Variants in COMMD1 observed in about 807,000 individuals in gnomAD.
COMMD1 encodes COMM domain-containing protein 1.
Under a neutral mutation model 17.2 loss-of-function variants are expected in COMMD1, and 10 were observed. The ratio of observed to expected loss-of-function variants is 0.58; its 90% confidence interval spans 0.36 to 0.99. The LOEUF (loss-of-function observed/expected upper bound fraction) is 0.99, where lower values mean the gene tolerates loss of function less well. Ranked by LOEUF, COMMD1 falls within the 50% of genes least tolerant of loss-of-function variation. The pLI is 0.01. For synonymous variants in COMMD1, 97 were observed against 91.6 expected, an observed-to-expected ratio of 1.06 and a Z score of -0.34; for missense variants, 270 against 231.8, an observed-to-expected ratio of 1.17 and a Z score of -1.07.
At chr2:61,973,916 C>G (rs913515301) in intron 1 of COMMD1, among the ~76,000 whole-genome samples, 3 of 152,218 alleles carry the variant, frequency 2.0e-5, no homozygotes, top group African/African-American at 7.2e-5. Context: ...TCCCTTGTGC[C>G]TCTTCCTAGT....
At chr2:62,020,976 C>G (rs946997825) in intron 2 of COMMD1, among the ~76,000 whole-genome samples, 2 of 151,072 alleles carry the variant, frequency 1.3e-5, no homozygotes, top group South Asian at 2.1e-4. Flanking sequence ...GCACTCCAGC[C>G]TGTGCAACAA....
rs889417303 is a variant in COMMD1, at chr2:62,019,165, C to T, written c.462+18183C>T. Reference sequence around the variant, plus strand: ...CCTTCCTTCCTTCCTTCTCTTTCCTCCTTTCTCTTTTCTTTCATTTTCTTT... The same window carrying T: ...CCTTCCTTCCTTCCTTCTCTTTCCTTCTTTCTCTTTTCTTTCATTTTCTTT... On this transcript the variant is annotated intron_variant, in intron 2 of 2. Coordinates refer to ENST00000311832, the MANE Select transcript of COMMD1 (RefSeq NM_152516.4). Among the ~76,000 whole-genome samples the T allele has an allele frequency of 3.9e-5, 5 of 128,814 alleles. No individual in the cohort carries two copies. The Admixed American group carries it at 4.4e-4, about 11-fold the overall frequency. The allele number at this position is 128,814 out of a possible 152,430, so 84.5% of individuals were successfully genotyped here. A position where few individuals can be genotyped will look rare whatever the true frequency, so the allele number is the denominator to read the frequency against.
chr2:62,014,487 C>T (rs1323830977), intron 2 of COMMD1, among the ~76,000 whole-genome samples: 3 of 122,364 alleles, frequency 2.5e-5, no homozygotes, highest in Non-Finnish European at 3.3e-5. Context: ...TTCTTTAGTA[C>T]TTAAAAAAAA....
chr2:61,943,812 G>A lies in COMMD1; in HGVS notation c.180+37954G>A, dbSNP rs569048717. Among the ~76,000 whole-genome samples the A allele has an allele frequency of 2.0e-5, 3 of 152,294 alleles. No individual in the cohort carries two copies. The South Asian group carries it at 6.2e-4, about 32-fold the overall frequency. ...ATCCCGCCATTGCACTCCAGCCTTG[G>A]CGTCTCAGTGAGACTCTGTCTCAAA... On this transcript the variant is annotated intron_variant, in intron 1 of 2. Transcript: ENST00000311832.
intron 1 of COMMD1, among the ~76,000 whole-genome samples, chr2:61,936,108 C>T (rs1670600620): frequency 6.6e-6 from 1 of 152,044 alleles, no homozygotes; most frequent in Admixed American, 6.6e-5. Context: ...CCGGCCCAGC[C>T]CAGTTTTTTT....
At chr2:62,105,503 G>A (rs1672305047) in intron 2 of COMMD1, among the ~76,000 whole-genome samples, 1 of 152,174 alleles carries the variant, frequency 6.6e-6, no homozygotes, top group African/African-American at 2.4e-5. Flanking sequence ...GAGAGTGAGA[G>A]GGAGGGGGAG....
intron 2 of COMMD1, among the ~76,000 whole-genome samples, chr2:62,042,928 C>T (rs1232728694): frequency 1.3e-5 from 2 of 152,206 alleles, no homozygotes; most frequent in East Asian, 3.8e-4. Flanking sequence ...GAAATAACGT[C>T]TTTTATTTTT....
intron 1 of COMMD1, among the ~76,000 whole-genome samples, chr2:61,994,560 A>G (rs1438432761): frequency 6.6e-6 from 1 of 151,980 alleles, no homozygotes; most frequent in East Asian, 1.9e-4. Flanking sequence ...CTTTTAGTCA[A>G]GACTCTTGGT....
chr2:61,975,769 G>C (rs1671785085), intron 1 of COMMD1, among the ~76,000 whole-genome samples: 1 of 151,908 alleles, frequency 6.6e-6, no homozygotes, highest in Non-Finnish European at 1.5e-5. Flanking sequence ...AGTATTGTGG[G>C]GTTTTTCAGC....
intron 2 of COMMD1, among the ~76,000 whole-genome samples, chr2:62,037,098 T>C (rs577852080): frequency 7.2e-4 from 110 of 152,316 alleles, no homozygotes; most frequent in African/African-American, 2.6e-3. Context: ...AAGAACCACT[T>C]GGAAACTTGG....
chr2:61,890,439 G>A (rs1401811858), intron 1 of COMMD1, among the ~76,000 whole-genome samples: 2 of 152,070 alleles, frequency 1.3e-5, no homozygotes, highest in Non-Finnish European at 2.9e-5. Context: ...GGGTGGTTTC[G>A]AACTCCCGAG....
chr2:61,929,646 G>A (rs1448473157), intron 1 of COMMD1, among the ~76,000 whole-genome samples: 3 of 152,132 alleles, frequency 2.0e-5, no homozygotes, highest in Non-Finnish European at 4.4e-5. Flanking sequence ...ACTTAAATTT[G>A]TAAGGCCAGG....
intron 2 of COMMD1, among the ~76,000 whole-genome samples, chr2:62,024,724 A>C (rs1669706535): frequency 6.6e-6 from 1 of 152,172 alleles, no homozygotes; most frequent in East Asian, 1.9e-4. Context: ...GAAAATTCAG[A>C]ATATTTGCCT....
At chr2:61,955,805 C>T (rs929921663) in intron 1 of COMMD1, among the ~76,000 whole-genome samples, 7 of 152,158 alleles carry the variant, frequency 4.6e-5, no homozygotes, top group Admixed American at 3.3e-4. Flanking sequence ...CCTGCCTCAG[C>T]CTCCCTAGTA....
At position 61,905,866 on chromosome 2, in the gene COMMD1, T is replaced by C. The variant is rs1028812859; in HGVS notation, c.180+8T>C. The C allele has an allele frequency of 3.1e-6, 5 of 1,613,992 alleles. No individual in the cohort carries two copies. Among genetic ancestry groups the C allele is most frequent in the Admixed American group, 1.7e-5 (1 of 60,004 alleles). On this transcript the variant is annotated splice_region_variant and intron_variant, in intron 1 of 2. Transcript: ENST00000311832. ...ATGAGGGGGATTCTTAAGGTACTGC[T>C]CTTTTCTGTAGTCTCCGGCTTGGAG... is the stretch of plus-strand genomic sequence containing the variant.
chr2:62,065,175 T>C (rs1343057231), intron 2 of COMMD1, among the ~76,000 whole-genome samples: 1 of 152,040 alleles, frequency 6.6e-6, no homozygotes, highest in African/African-American at 2.4e-5. Flanking sequence ...AGACCCTGTC[T>C]CTCAAAAATA....
At chr2:61,934,286 A>G (rs533123235) in intron 1 of COMMD1, among the ~76,000 whole-genome samples, 1 of 152,338 alleles carries the variant, frequency 6.6e-6, no homozygotes, top group East Asian at 1.9e-4. Flanking sequence ...GGTTTTTCAT[A>G]AAGAATGAAC....
At chr2:61,928,324 C>G (rs1463555765) in intron 1 of COMMD1, among the ~76,000 whole-genome samples, 1 of 151,896 alleles carries the variant, frequency 6.6e-6, no homozygotes, top group African/African-American at 2.4e-5. Flanking sequence ...CCATGCCTGG[C>G]TAATTTTTGT....
intron 2 of COMMD1, chr2:62,055,360 C>G (rs969564779): frequency 2.0e-5 from 9 of 450,188 alleles, no homozygotes; most frequent in Admixed American, 9.8e-5. Context: ...AATGATGAGA[C>G]AGCAGAAGAC....
Sources: gnomAD v4.1 joint callset for allele counts (sites outside exome capture counted in the v4.1 genomes callset) on GRCh38, gnomAD v4.1.1 for gene constraint, MANE v1.5 for transcripts, NCBI Gene and HGNC (gene_info 2026-07-23, HGNC 2026-07-21) for gene names.